MGRN1: variants seen among roughly 807,000 people sequenced by gnomAD.
MGRN1 encodes the protein mahogunin ring finger 1, also known as E3 ubiquitin-protein ligase MGRN1.
Under a neutral mutation model 69.2 loss-of-function variants are expected in MGRN1, and 29 were observed. The observed-to-expected ratio is 0.42, with a 90% CI of 0.31 to 0.57. The LOEUF (loss-of-function observed/expected upper bound fraction) is 0.57, where lower values mean the gene tolerates loss of function less well. MGRN1 is among the 20% of genes least tolerant of loss of function. MGRN1 has a pLI of 0.15. For missense variants in MGRN1, 998 were observed against 796.2 expected (o/e 1.25, Z -3.05); for synonymous variants, 470 against 344.2 (o/e 1.37, Z -4.04).
Position 4,667,446 on chromosome 16 carries a change from C to T in MGRN1, c.679-819C>T, listed in dbSNP as rs145840519. 2.4e-4 allele frequency among the ~76,000 whole-genome samples: 37 copies of T among 152,344 alleles called. No homozygotes were observed. The East Asian group carries it at 4.4e-3, about 18-fold the overall frequency. ...GGCTCCCCAGCTGCTCTCCCCGGCC[C>T]GGACTCGTCAGAAGCCACGGTGACT... is the stretch of plus-strand genomic sequence containing the variant. On this transcript the variant is annotated intron_variant, in intron 7 of 16. Transcript: ENST00000262370.
intron 1 of MGRN1, among the ~76,000 whole-genome samples, chr16:4,637,744 G>T (rs1242905632): frequency 6.6e-6 from 1 of 152,238 alleles, no homozygotes; most frequent in East Asian, 1.9e-4. Context: ...CACCCACCAG[G>T]CTGGTCAAGG....
chr16:4,681,460 G>A, intron 12 of MGRN1, 90 bp from the exon 13 acceptor site: 1 of 1,287,446 alleles, frequency 7.8e-7, no homozygotes, highest in Non-Finnish European at 1.1e-6. Flanking sequence ...ATCCCCCAAA[G>A]AACAGAGTGG....
chr16:4,628,024 G>C (rs1316588551), intron 1 of MGRN1, among the ~76,000 whole-genome samples: 1 of 148,146 alleles, frequency 6.8e-6, no homozygotes, highest in Non-Finnish European at 1.5e-5. Context: ...AGGTTGCAGT[G>C]AGCCGAGACT....
At position 4,671,396 on chromosome 16, in the gene MGRN1, C is replaced by T. The variant is rs2141946685; in HGVS notation, c.732C>T (p.Asp244=). 6.2e-7 allele frequency: 1 copy of T among 1,614,068 alleles called. No individual in the cohort carries two copies. The highest frequency in any genetic ancestry group is 8.5e-7 in the Non-Finnish European group (1 of 1,179,978). ...VKPLKQKQIV[D]RVSYLLQEIY... ...AGCCCCTCTCTGCTCTCCAGGTGGA[C>T]CGGGTCAGCTACCTCCTGCAGGAGA... The change falls in exon 9 of 17, where the codon GAC becomes GAT. Residue 244 remains aspartate (D), a synonymous_variant. Coordinates refer to ENST00000262370, the MANE Select transcript of MGRN1 (RefSeq NM_015246.4).
Position 4,643,545 on chromosome 16 carries a change from G to A in MGRN1, c.89-6820G>A, listed in dbSNP as rs1438493563. Among the ~76,000 whole-genome samples, 3 of 147,594 alleles carry A rather than the reference G, an allele frequency of 2.0e-5. No individual in the cohort carries two copies. The South Asian group carries it at 6.4e-4, about 31-fold the overall frequency. On this transcript the variant is annotated intron_variant, in intron 1 of 16. Transcript: ENST00000262370. ...TGCCACCACACCTGGCTAATTTTTT[G>A]TATTTTTTAGTAGAGACGGGGTTTC...
At chr16:4,687,129 C>A in intron 16 of MGRN1, 7 of 985,466 alleles carry the variant, frequency 7.1e-6, no homozygotes, top group Non-Finnish European at 8.4e-6. Context: ...TGCCGACTCA[C>A]CTGTCCCTCC....
intron 5 of MGRN1, 62 bp downstream of exon 5, chr16:4,657,425 G>A: frequency 6.6e-7 from 1 of 1,505,436 alleles, no homozygotes; most frequent in South Asian, 1.1e-5. Context: ...CCTTGGGGGT[G>A]GGGCCAGCAC....
chr16:4,672,365 G>A (rs2078957661), intron 9 of MGRN1: 2 of 456,558 alleles, frequency 4.4e-6, no homozygotes, highest in South Asian at 1.5e-5. Context: ...TTGTTAAAAG[G>A]CACACTGACA....
At chr16:4,664,067 A>G (rs1204430896) in intron 5 of MGRN1, 1 of 152,868 alleles carries the variant, frequency 6.5e-6, no homozygotes, top group Non-Finnish European at 1.5e-5. Flanking sequence ...GTTCAGGCAG[A>G]CACTTGCGCA....
In MGRN1 at chr16:4,670,688, A is replaced by T. The variant is rs537556553; in HGVS notation, c.727-703A>T. On this transcript the variant is annotated intron_variant, in intron 8 of 16. Transcript: ENST00000262370. ...TGGGCAATGTAGCGAGATCCTGTCTATTTAAAATGTAAATCACAATAAACA... is the reference window on the plus strand; with the variant it reads ...TGGGCAATGTAGCGAGATCCTGTCTTTTTAAAATGTAAATCACAATAAACA... 3.9e-5 allele frequency among the ~76,000 whole-genome samples: 6 copies of T among 152,318 alleles called. No homozygotes were observed. In the South Asian group the frequency reaches 1.2e-3, roughly 32 times the overall value.
At chr16:4,630,555 C>T (rs907646458) in intron 1 of MGRN1, among the ~76,000 whole-genome samples, 56 of 151,694 alleles carry the variant, frequency 3.7e-4, no homozygotes, top group Non-Finnish European at 1.0e-4. Context: ...TCCAGCGATT[C>T]TTCTACCTCA....
chr16:4,681,390 G>A (rs1413720511), intron 12 of MGRN1, 160 bp from the exon 13 acceptor site: 2 of 635,188 alleles, frequency 3.1e-6, no homozygotes, highest in African/African-American at 3.7e-5. Context: ...GGCTGAGGCA[G>A]GGAGGGCATC....
At chr16:4,633,582 T>G (rs915997726) in intron 1 of MGRN1, 4 of 151,018 alleles carry the variant, frequency 2.6e-5, no homozygotes, top group Admixed American at 2.0e-4. Flanking sequence ...TCCCAGCTAC[T>G]CGGGAGGCTG....
chr16:4,668,762 T>TCACACACACACATATACCCATTCA (rs56203615), intron 8 of MGRN1, among the ~76,000 whole-genome samples: 2 of 149,780 alleles, frequency 1.3e-5, no homozygotes, highest in African/African-American at 5.0e-5. Context: ...ATATACCCAT[T>TCACACACACACATATACCCATTCA]CACACACACA....
chr16:4,680,616 T>C (rs1254875776), intron 12 of MGRN1: 1 of 158,598 alleles, frequency 6.3e-6, no homozygotes, highest in African/African-American at 2.4e-5. Flanking sequence ...CCTGTGTGCG[T>C]TGGTGTAGAA....
chr16:4,688,759 C>G lies in MGRN1; in HGVS notation c.1619-37C>G, dbSNP rs1298951578. On this transcript the variant is annotated intron_variant, in intron 16 of 16. Transcript: ENST00000262370. ...GAGCGGGTGGCGTGGCACCAGGCAT[C>G]CGAGTGTGACCCTCCTCCCTCTGCT... 4.0e-6 allele frequency: 6 copies of G among 1,516,244 alleles called. No homozygotes were observed. In the South Asian group the frequency reaches 7.3e-5, roughly 18 times the overall value. The allele number at this position is 1,516,244 out of a possible 1,614,324, so 93.9% of individuals were successfully genotyped here. A position where few individuals can be genotyped will look rare whatever the true frequency, so the allele number is the denominator to read the frequency against.
intron 5 of MGRN1, among the ~76,000 whole-genome samples, chr16:4,657,806 C>T (rs1479745732): frequency 7.8e-6 from 1 of 128,372 alleles, no homozygotes; most frequent in Admixed American, 9.9e-5. Context: ...AGTGCAGTGG[C>T]GCGATCTCGG....
At position 4,673,732 on chromosome 16, in the gene MGRN1, TA is replaced by T. The variant is rs2078992553; in HGVS notation, c.955+76del. 4.5e-6 allele frequency: 7 copies of T among 1,546,922 alleles called. No homozygotes were observed. In the South Asian group the frequency reaches 4.6e-5, roughly 10 times the overall value. Reference sequence around the variant, plus strand: ...TGGCCACACCACGGTGGTCCTGGGATAGGGGGCCACAGGTCCGTTGATGGCT... The same window carrying T: ...TGGCCACACCACGGTGGTCCTGGGATGGGGGCCACAGGTCCGTTGATGGCT... On this transcript the variant is annotated intron_variant, in intron 10 of 16. Transcript: ENST00000262370.
chr16:4,639,344 G>C (rs2078106692), intron 1 of MGRN1, among the ~76,000 whole-genome samples: 2 of 152,168 alleles, frequency 1.3e-5, no homozygotes, highest in Non-Finnish European at 2.9e-5. Context: ...CCTCACCGCG[G>C]CATCCCAAGG....
Sources: gnomAD v4.1 joint callset for allele counts (sites outside exome capture counted in the v4.1 genomes callset) on GRCh38, gnomAD v4.1.1 for gene constraint, MANE v1.5 for transcripts, NCBI Gene and HGNC (gene_info 2026-07-23, HGNC 2026-07-21) for gene names.